Variants in IL1RAPL1 observed in about 807,000 individuals in gnomAD.
IL1RAPL1 encodes interleukin-1 receptor accessory protein-like 1.
In IL1RAPL1, 3 loss-of-function variants were observed where a neutral mutation model predicts 48.4. The ratio of observed to expected loss-of-function variants is 0.06; its 90% CI spans 0.03 to 0.16. The LOEUF (loss-of-function observed/expected upper bound fraction) is 0.16. Among genes scored for constraint, IL1RAPL1 ranks in the 10% least tolerant of loss-of-function variants. The pLI, the probability that IL1RAPL1 is intolerant of heterozygous loss-of-function variation, is 1.00. For synonymous variants in IL1RAPL1, 185 were observed against 187.7 expected, an observed-to-expected ratio of 0.99 and a Z score of 0.12; for missense variants, 349 against 530.6, an observed-to-expected ratio of 0.66 and a Z score of 3.36.
At position 29,436,900 on chromosome X, in the gene IL1RAPL1, AT is replaced by A. The variant is rs754294476; in HGVS notation, c.703+37598del. Among the ~76,000 whole-genome samples, 10 of 110,382 alleles carry A rather than the reference AT, an allele frequency of 9.1e-5. No homozygotes were observed. In the South Asian group the frequency reaches 3.7e-3, roughly 41 times the overall value. ...ATAAAGTACATGTGTGTGTGTTACA[AT>A]TTTTTGGAGATTTTTGCTCTCAATT... On this transcript the variant is annotated intron_variant, in intron 5 of 10. Coordinates refer to ENST00000378993, the MANE Select transcript of IL1RAPL1 (RefSeq NM_014271.4).
At chrX:29,689,446 C>G (rs1439575452) in intron 6 of IL1RAPL1, among the ~76,000 whole-genome samples, 1 of 112,120 alleles carries the variant, frequency 8.9e-6, no homozygotes, top group Non-Finnish European at 1.9e-5. Context: ...AATAAGAAAT[C>G]ATGCATTTAT....
intron 2 of IL1RAPL1, among the ~76,000 whole-genome samples, chrX:28,884,095 C>T (rs1922571455): frequency 9.0e-6 from 1 of 111,399 alleles, no homozygotes; most frequent in South Asian, 3.7e-4. Context: ...TTAGTGGGTG[C>T]AGCGCACAAG....
At chrX:29,541,378 C>G (rs1921433874) in intron 5 of IL1RAPL1, among the ~76,000 whole-genome samples, 1 of 111,458 alleles carries the variant, frequency 9.0e-6, no homozygotes, top group African/African-American at 3.3e-5. Flanking sequence ...TTGACGGTTT[C>G]TCAAAGAACT....
chrX:29,185,504 C>T lies in IL1RAPL1; in HGVS notation c.83-97434C>T, dbSNP rs984875451. On this transcript the variant is annotated intron_variant, in intron 2 of 10. Coordinates refer to ENST00000378993, the MANE Select transcript of IL1RAPL1 (RefSeq NM_014271.4). ...ATGAAAATGCCAGTAAAGCACTTAC[C>T]GCAATGCCTGGCTCAAAGTAAACGC... 7.2e-5 allele frequency among the ~76,000 whole-genome samples: 8 copies of T among 111,739 alleles called. No homozygotes were observed. In the South Asian group the frequency reaches 1.1e-3, roughly 16 times the overall value.
At chrX:29,932,037 G>A (rs992688611) in intron 8 of IL1RAPL1, among the ~76,000 whole-genome samples, 2 of 112,257 alleles carry the variant, frequency 1.8e-5, no homozygotes, top group African/African-American at 3.2e-5. Context: ...TGTCTTCTAA[G>A]CTGGTCACCT....
At chrX:28,620,141 C>A (rs1475454022) in intron 1 of IL1RAPL1, among the ~76,000 whole-genome samples, 1 of 111,052 alleles carries the variant, frequency 9.0e-6, no homozygotes, top group Non-Finnish European at 1.9e-5. Context: ...CATAGGCACT[C>A]TCTTTCCATA....
intron 2 of IL1RAPL1, among the ~76,000 whole-genome samples, chrX:29,254,788 G>A (rs1405050599): frequency 3.6e-5 from 4 of 111,553 alleles, no homozygotes; most frequent in Non-Finnish European, 5.7e-5. Flanking sequence ...CACAAAAGAT[G>A]CAATTGATAT....
At chrX:29,541,787 G>A in intron 5 of IL1RAPL1, among the ~76,000 whole-genome samples, 1 of 110,423 alleles carries the variant, frequency 9.1e-6, no homozygotes, top group East Asian at 2.9e-4. Context: ...ACTACTAAAG[G>A]ATGGAGGGGT....
At chrX:29,239,365 G>T (rs1438070694) in intron 2 of IL1RAPL1, among the ~76,000 whole-genome samples, 1 of 112,340 alleles carries the variant, frequency 8.9e-6, no homozygotes, top group Non-Finnish European at 1.9e-5. Flanking sequence ...TTTTTTAAAT[G>T]GAGATCTTTT....
intron 3 of IL1RAPL1, among the ~76,000 whole-genome samples, chrX:29,334,148 G>A (rs1285346362): frequency 8.1e-5 from 6 of 74,285 alleles, no homozygotes; most frequent in African/African-American, 5.8e-5. Flanking sequence ...AGGGGCGGCC[G>A]GGCAGAGGCG....
At chrX:28,904,087 A>C (rs1296761712) in intron 2 of IL1RAPL1, among the ~76,000 whole-genome samples, 1 of 110,808 alleles carries the variant, frequency 9.0e-6, no homozygotes, top group Admixed American at 9.7e-5. Context: ...CTTTCTTGCT[A>C]TCAAACTCAA....
intron 3 of IL1RAPL1, among the ~76,000 whole-genome samples, chrX:29,381,523 A>C (rs1347153144): frequency 2.1e-5 from 2 of 95,257 alleles, no homozygotes; most frequent in Admixed American, 1.2e-4. Context: ...AAAAAAAAAA[A>C]AAAAAACTTA....
chrX:29,323,010 A>C (rs779185350), intron 3 of IL1RAPL1, among the ~76,000 whole-genome samples: 1 of 111,923 alleles, frequency 8.9e-6, no homozygotes, highest in Non-Finnish European at 1.9e-5. Flanking sequence ...TGCCTTCCCT[A>C]TATCCTAATG....
In IL1RAPL1 at chrX:29,586,674, C is replaced by T. The variant is rs762202804; in HGVS notation, c.704-81756C>T. Reference sequence around the variant, plus strand: ...TATTAATTCTTCCAATCCATGAACACGGATATCTATTTGTTTGTGCCTTGC... The same window carrying T: ...TATTAATTCTTCCAATCCATGAACATGGATATCTATTTGTTTGTGCCTTGC... On this transcript the variant is annotated intron_variant, in intron 5 of 10. Coordinates refer to ENST00000378993, the MANE Select transcript of IL1RAPL1 (RefSeq NM_014271.4). Among the ~76,000 whole-genome samples the T allele has an allele frequency of 1.4e-4, 15 of 110,847 alleles. No individual in the cohort carries two copies. The South Asian group carries it at 3.0e-3, about 23-fold the overall frequency.
intron 2 of IL1RAPL1, among the ~76,000 whole-genome samples, chrX:29,077,552 G>A (rs1428318301): frequency 1.9e-5 from 2 of 106,533 alleles, no homozygotes; most frequent in Non-Finnish European, 1.9e-5. Flanking sequence ...GCAGTGAGCC[G>A]AGATTGTGCC....
intron 2 of IL1RAPL1, among the ~76,000 whole-genome samples, chrX:29,048,820 A>G (rs1927030837): frequency 8.9e-6 from 1 of 112,374 alleles, no homozygotes; most frequent in African/African-American, 3.2e-5. Context: ...TAATTTCAAG[A>G]TGCATCACTC....
chrX:29,729,119 A>T (rs1927853079), intron 6 of IL1RAPL1, among the ~76,000 whole-genome samples: 1 of 111,521 alleles, frequency 9.0e-6, no homozygotes, highest in Admixed American at 9.5e-5. Context: ...ATAGTCAGTT[A>T]TATCCCCTCT....
chrX:29,187,818 C>G (rs1179361849), intron 2 of IL1RAPL1, among the ~76,000 whole-genome samples: 2 of 111,478 alleles, frequency 1.8e-5, no homozygotes, highest in Non-Finnish European at 3.8e-5. Context: ...TATTTAGATT[C>G]CACCATGCTG....
chrX:29,601,150 A>C (rs1923706218), intron 5 of IL1RAPL1, among the ~76,000 whole-genome samples: 1 of 112,388 alleles, frequency 8.9e-6, no homozygotes, highest in African/African-American at 3.2e-5. Context: ...AAATAGATTT[A>C]CTAATCACCT....
Sources: gnomAD v4.1 joint callset for allele counts (sites outside exome capture counted in the v4.1 genomes callset) on GRCh38, gnomAD v4.1.1 for gene constraint, MANE v1.5 for transcripts, NCBI Gene and HGNC (gene_info 2026-07-23, HGNC 2026-07-21) for gene names.